Variants in GLDC observed in about 807,000 individuals in gnomAD.
The protein encoded by GLDC is glycine decarboxylase.
In GLDC, 104 loss-of-function variants were observed where a neutral mutation model predicts 121.3. That is an observed-to-expected ratio of 0.86 (90% CI 0.73 to 1.01). The LOEUF is 1.01. Among genes scored for constraint, GLDC ranks in the 50% least tolerant of loss-of-function variants. GLDC has a pLI of 0.00. For synonymous variants in GLDC, 546 were observed against 480.6 expected (o/e 1.14, Z -1.78); for missense variants, 1,429 against 1,306.6 (o/e 1.09, Z -1.44).
chr9:6,630,940 G>A (rs1006001115), intron 2 of GLDC, among the ~76,000 whole-genome samples: 6 of 152,192 alleles, frequency 3.9e-5, no homozygotes, highest in African/African-American at 1.4e-4. Context: ...TCCTCCCTGG[G>A]CAGAGGAGGG....
At chr9:6,588,547 A>G (rs1158209238) in intron 13 of GLDC, 71 bp downstream of exon 13, 1 of 1,443,346 alleles carries the variant, frequency 6.9e-7, no homozygotes. Flanking sequence ...CTCTTGGAGC[A>G]TATTAGGTAG....
At chr9:6,576,083 T>C (rs1818058544) in intron 15 of GLDC, among the ~76,000 whole-genome samples, 1 of 152,214 alleles carries the variant, frequency 6.6e-6, no homozygotes, top group Non-Finnish European at 1.5e-5. Flanking sequence ...GGCAGACCAG[T>C]GAAGGCTTGG....
intron 3 of GLDC, among the ~76,000 whole-genome samples, chr9:6,619,501 G>A (rs1819038064): frequency 6.6e-6 from 1 of 152,068 alleles, no homozygotes; most frequent in Admixed American, 6.6e-5. Context: ...GCTGAAGCGG[G>A]CGGATCACCT....
intron 1 of GLDC, 175 bp from the exon 2 acceptor site, chr9:6,644,867 G>A: frequency 3.1e-6 from 2 of 655,090 alleles, no homozygotes; most frequent in Non-Finnish European, 5.4e-6. Flanking sequence ...AGAAAATCGT[G>A]AAGTGGGGTG....
chr9:6,622,641 G>T (rs1363609704), intron 2 of GLDC: 113 of 206,794 alleles, frequency 5.5e-4, no homozygotes, highest in Admixed American at 1.9e-3. Flanking sequence ...GTGCCGAGAT[G>T]GCAGCCTCTG....
intron 8 of GLDC, 67 bp from the exon 9 acceptor site, chr9:6,595,186 G>A: frequency 1.9e-6 from 2 of 1,029,196 alleles, no homozygotes; most frequent in Non-Finnish European, 3.1e-6. Flanking sequence ...GTAATTACTT[G>A]ACTTGGGATG....
chr9:6,605,424 A>C, intron 5 of GLDC, 146 bp from the exon 6 acceptor site: 1 of 742,134 alleles, frequency 1.3e-6, no homozygotes. Flanking sequence ...TCCCACAGGC[A>C]CTTCAGTGGT....
rs115965735 is a variant in GLDC, at chr9:6,623,723, G to C, written c.335-3404C>G. 9.0e-3 allele frequency among the ~76,000 whole-genome samples: 1,370 copies of C among 152,288 alleles called. 15 individuals are homozygous for C. Among genetic ancestry groups the C allele is most frequent in the African/African-American group, 0.031 (1,301 of 41,538 alleles). ...AGTAATATAATCTAACTACCTTATGGAAGATGATCTTGCCTTCTTCCATTG... is the reference window on the plus strand; with the variant it reads ...AGTAATATAATCTAACTACCTTATGCAAGATGATCTTGCCTTCTTCCATTG... On this transcript the variant is annotated intron_variant, in intron 2 of 24. Coordinates refer to ENST00000321612, the MANE Select transcript of GLDC (RefSeq NM_000170.3).
intron 11 of GLDC, among the ~76,000 whole-genome samples, chr9:6,590,556 G>C (rs1417741086): frequency 1.3e-5 from 2 of 152,128 alleles, no homozygotes; most frequent in Non-Finnish European, 2.9e-5. Context: ...GCCATGTGAT[G>C]CCTGCTCCTC....
intron 8 of GLDC, among the ~76,000 whole-genome samples, chr9:6,597,951 G>C: frequency 6.6e-6 from 1 of 152,002 alleles, no homozygotes; most frequent in East Asian, 1.9e-4. Context: ...AAAGAAATAA[G>C]AGAATATAAA....
intron 6 of GLDC, 81 bp downstream of exon 6, chr9:6,605,050 A>G: frequency 7.5e-7 from 1 of 1,326,434 alleles, no homozygotes; most frequent in Non-Finnish European, 1.1e-6. Context: ...AAGGCACATG[A>G]AAAGACAGAG....
chr9:6,591,579 G>A (rs1818375224), intron 11 of GLDC, among the ~76,000 whole-genome samples: 1 of 152,070 alleles, frequency 6.6e-6, no homozygotes, highest in Admixed American at 6.6e-5. Context: ...AGTAGAGGCA[G>A]TTTCTTTCTT....
rs138773302 is a variant in GLDC, at chr9:6,613,532, T to C, written c.471-3176A>G. Among the ~76,000 whole-genome samples, 101 of 152,356 alleles carry C rather than the reference T, an allele frequency of 6.6e-4. No individual in the cohort carries two copies. In the East Asian group the frequency reaches 8.7e-3, roughly 13 times the overall value. On this transcript the variant is annotated intron_variant, in intron 3 of 24. Coordinates refer to ENST00000321612, the MANE Select transcript of GLDC (RefSeq NM_000170.3). ...ATTATTCCATGAACAATGTCTAACA[T>C]AACATCTTTAAATACTATTCAAAAA...
intron 2 of GLDC, among the ~76,000 whole-genome samples, chr9:6,642,298 G>T (rs989492005): frequency 1.3e-5 from 2 of 152,192 alleles, no homozygotes; most frequent in African/African-American, 4.8e-5. Context: ...GGGAGGCCAA[G>T]GTGGGTGGAT....
chr9:6,570,079 C>A (rs1817928322), intron 15 of GLDC, among the ~76,000 whole-genome samples: 1 of 152,190 alleles, frequency 6.6e-6, no homozygotes, highest in South Asian at 2.1e-4. Flanking sequence ...GTCACTGTAG[C>A]TGCATGCTTT....
chr9:6,567,356 A>G (rs1817874005), intron 15 of GLDC: 3 of 152,208 alleles, frequency 2.0e-5, no homozygotes, highest in Admixed American at 1.3e-4. Context: ...GCCGTGCTTC[A>G]GGAAACCACT....
chr9:6,633,974 C>T (rs1396012349), intron 2 of GLDC, among the ~76,000 whole-genome samples: 3 of 151,570 alleles, frequency 2.0e-5, no homozygotes, highest in East Asian at 2.0e-4. Context: ...GGACTACAGG[C>T]GCCCGCCACC....
intron 15 of GLDC, among the ~76,000 whole-genome samples, chr9:6,575,429 G>A (rs557760557): frequency 3.9e-4 from 59 of 152,292 alleles, no homozygotes; most frequent in African/African-American, 1.3e-3. Flanking sequence ...ATCACCTGGG[G>A]ATTTGTTAAA....
At chr9:6,626,128 T>C (rs117687944) in intron 2 of GLDC, among the ~76,000 whole-genome samples, 1 of 151,886 alleles carries the variant, frequency 6.6e-6, no homozygotes, top group East Asian at 2.0e-4. Flanking sequence ...GTCTCTTTAC[T>C]ATGGTTTATT....
Sources: gnomAD v4.1 joint callset for allele counts (sites outside exome capture counted in the v4.1 genomes callset) on GRCh38, gnomAD v4.1.1 for gene constraint, MANE v1.5 for transcripts, NCBI Gene and HGNC (gene_info 2026-07-23, HGNC 2026-07-21) for gene names.